Variants in COMP observed in about 807,000 individuals in gnomAD.
The protein encoded by COMP is cartilage oligomeric matrix protein (pseudoachondroplasia, epiphyseal dysplasia 1, multiple).
A neutral mutation model predicts 95.8 loss-of-function variants in COMP; 79 were observed. That is an observed-to-expected ratio of 0.82 (90% confidence interval 0.69 to 0.99). The LOEUF (loss-of-function observed/expected upper bound fraction) is 0.99, where lower values mean the gene tolerates loss of function less well. Among genes scored for constraint, COMP ranks in the 50% least tolerant of loss-of-function variants. COMP has a pLI of 0.00. For missense variants in COMP, 906 were observed against 1,076.1 expected, an observed-to-expected ratio of 0.84 and a Z score of 2.21; for synonymous variants, 438 against 433.9, an observed-to-expected ratio of 1.01 and a Z score of -0.12.
In COMP at chr19:18,790,053, G is replaced by A. The variant is rs139319996; in HGVS notation, c.279C>T (p.Pro93=). The change falls in exon 4 of 19, where the codon CCC becomes CCT. Residue 93 remains proline, a synonymous_variant. Transcript: ENST00000222271. ...AGGCCACGCCGGGGAAGCAGAAGCC[G>A]GGCGCGCAGTGGAGCAGGGGCCGCA... ...PSVRPLLHCA[P]GFCFPGVACI... The A allele has an allele frequency of 3.2e-6, 5 of 1,559,752 alleles. No individual in the cohort carries two copies. Among genetic ancestry groups the A allele is most frequent in the Admixed American group, 3.8e-5 (2 of 52,502 alleles).
Position 18,789,098 on chromosome 19 carries a change from G to A in COMP, c.528+62C>T, listed in dbSNP as rs892112857. On this transcript the variant is annotated intron_variant, in intron 5 of 18. Coordinates refer to ENST00000222271, the MANE Select transcript of COMP (RefSeq NM_000095.3). The surrounding 1 kb of genome is among the most constrained non-coding windows in gnomAD (Gnocchi z 6.1). ...AAGGAGGCTGGAAGAGGAGTTTACT[G>A]GTAAACAAAATGGACGCCCCCTTCC... 1 of 1,565,518 alleles carries A rather than the reference G, an allele frequency of 6.4e-7. No homozygotes were observed. Among genetic ancestry groups the A allele is most frequent in the Non-Finnish European group, 8.6e-7 (1 of 1,158,936 alleles).
Position 18,788,109 on chromosome 19 carries a change from G to T in COMP, c.975+103C>A. 1 of 935,732 alleles carries T rather than the reference G, an allele frequency of 1.1e-6. No homozygotes were observed. The allele number at this position is 935,732 out of a possible 1,614,324, so 58.0% of individuals were successfully genotyped here. A position where few individuals can be genotyped will look rare whatever the true frequency, so the allele number is the denominator to read the frequency against. On this transcript the variant is annotated intron_variant, in intron 9 of 18. Transcript: ENST00000222271. The surrounding 1 kb of genome is among the most constrained non-coding windows in gnomAD (Gnocchi z 4.7). ...AGTAGAGGAGGGGTTTCACCATGAT[G>T]GCCAGGATGGTCTCCATCTCTTGAC...
At chr19:18,783,943 A>G (rs1376824581) in intron 17 of COMP, among the ~76,000 whole-genome samples, 1 of 152,012 alleles carries the variant, frequency 6.6e-6, no homozygotes, top group African/African-American at 2.4e-5. Flanking sequence ...ACAGGGTCTT[A>G]CTATGTTACC....
At position 18,785,913 on chromosome 19, in the gene COMP, C is replaced by G. The variant is rs2055162922; in HGVS notation, c.1489+52G>C. 2.5e-6 allele frequency: 4 copies of G among 1,600,282 alleles called. No homozygotes were observed. In the South Asian group the frequency reaches 3.3e-5, roughly 13 times the overall value. ...GGGCCCGCCCACCGTAGACCCCGCG[C>G]CAGGAGCCCCCACTGGCCCCGCCCC... is the stretch of plus-strand genomic sequence containing the variant. On this transcript the variant is annotated intron_variant, in intron 13 of 18. Coordinates refer to ENST00000222271, the MANE Select transcript of COMP (RefSeq NM_000095.3).
chr19:18,786,524 G>T lies in COMP; in HGVS notation c.1254+8C>A. On this transcript the variant is annotated splice_region_variant and intron_variant, in intron 11 of 18. Coordinates refer to ENST00000222271, the MANE Select transcript of COMP (RefSeq NM_000095.3). ...GGCTTACCCAGCTGGAGTCTGGCCT[G>T]CCCTCACCTGATCCGGGTTGCTCTT... is the stretch of plus-strand genomic sequence containing the variant. The T allele has an allele frequency of 1.2e-6, 2 of 1,610,758 alleles. No individual in the cohort carries two copies. Among genetic ancestry groups the T allele is most frequent in the Non-Finnish European group, 8.5e-7 (1 of 1,176,966 alleles).
rs1367326456 is a variant in COMP, at chr19:18,788,403, C to A, written c.867+7G>T. The stretch of plus-strand genomic sequence containing the variant: ...GCCCAAGCCCGCCCCGCTCCGCCCC[C>A]ACCCACCTTACGGCACTGGCGCTCC... On this transcript the variant is annotated splice_region_variant and intron_variant, in intron 8 of 18. Transcript: ENST00000222271. The surrounding 1 kb of genome is among the most constrained non-coding windows in gnomAD (Gnocchi z 4.7). 3.7e-6 allele frequency: 6 copies of A among 1,607,610 alleles called. No homozygotes were observed. In the African/African-American group the frequency reaches 4.0e-5, roughly 11 times the overall value.
Position 18,788,236 on chromosome 19 carries a change from G to T in COMP, c.951C>A (p.Asp317Glu), listed in dbSNP as rs200547692. 1.8e-4 allele frequency: 292 copies of T among 1,613,050 alleles called. No individual in the cohort carries two copies. Among genetic ancestry groups the T allele is most frequent in the Non-Finnish European group, 2.2e-4 (256 of 1,179,978 alleles). Residue 317 changes from aspartate (D) to glutamate (E), a missense_variant, in exon 9 of 19, where the codon GAC (aspartate) becomes GAA (glutamate). Transcript: ENST00000222271. This position sits in a 1 kb window ranked among gnomAD's most constrained non-coding sequence, Gnocchi z 4.7. ...CCTTTTCATTGGGGACCCCGTCCCC[G>T]TCGGCATCCGGATCGCAGGCGTCTC... is the stretch of plus-strand genomic sequence containing the variant. ...GIGDACDPDA[D>E]GDGVPNEKDN...
At chr19:18,787,450 C>A in intron 10 of COMP, 41 bp downstream of exon 10, 1 of 1,604,496 alleles carries the variant, frequency 6.2e-7, no homozygotes, top group Non-Finnish European at 8.5e-7. Context: ...CCCTTCGGTG[C>A]CCGCCGCCTC....
chr19:18,784,499 C>T lies in COMP; in HGVS notation c.1915-136G>A. On this transcript the variant is annotated intron_variant, in intron 16 of 18. Coordinates refer to ENST00000222271, the MANE Select transcript of COMP (RefSeq NM_000095.3). This position sits in a 1 kb window ranked among gnomAD's most constrained non-coding sequence, Gnocchi z 4.9. ...TCCGGATGAGAGACCCACAAGGAAGCCTTCTTCAGGGGCCAAATGGCAGCT... is the reference window on the plus strand; with the variant it reads ...TCCGGATGAGAGACCCACAAGGAAGTCTTCTTCAGGGGCCAAATGGCAGCT... 9.7e-7 allele frequency: 1 copy of T among 1,035,362 alleles called. No individual in the cohort carries two copies. The highest frequency in any genetic ancestry group is 1.5e-6 in the Non-Finnish European group (1 of 686,420). The allele number at this position is 1,035,362 out of a possible 1,614,324, so 64.1% of individuals were successfully genotyped here.
At chr19:18,783,251 G>C (rs1180906771) in intron 17 of COMP, 58 bp from the exon 18 acceptor site, 4 of 1,589,396 alleles carry the variant, frequency 2.5e-6, no homozygotes, top group East Asian at 4.5e-5. Context: ...CCCTCTCAGA[G>C]CTTCAGTGGC....
Position 18,788,137 on chromosome 19 carries a change from C to T in COMP, c.975+75G>A. Reference sequence around the variant, plus strand: ...CAGGATGGTCTCCATCTCTTGACCTCGTGATCCGCCCGCCTCGGCCTCCCA... The same window carrying T: ...CAGGATGGTCTCCATCTCTTGACCTTGTGATCCGCCCGCCTCGGCCTCCCA... On this transcript the variant is annotated intron_variant, in intron 9 of 18. Transcript: ENST00000222271. The surrounding 1 kb of genome is among the most constrained non-coding windows in gnomAD (Gnocchi z 4.7). 5.6e-6 allele frequency: 7 copies of T among 1,245,708 alleles called. No homozygotes were observed. The highest frequency in any genetic ancestry group is 1.9e-4 in the Middle Eastern group (1 of 5,352). 77.2% of individuals were successfully genotyped at this position (1,245,708 alleles called of 1,614,324 possible).
Position 18,788,458 on chromosome 19 carries a change from G to A in COMP, c.819C>T (p.Asp273=). The change falls in exon 8 of 19, where the codon GAC becomes GAT. Residue 273 remains aspartate (D), a synonymous_variant. Transcript: ENST00000222271. The surrounding 1 kb of genome is among the most constrained non-coding windows in gnomAD (Gnocchi z 4.7). ...AGCGCAGCTTCTCGTCCGGGAAGCC[G>A]TCTAGGTCAGTGTCGCGACCACAGA... ...GILCGRDTDL[D]GFPDEKLRCP... 2.1e-6 allele frequency: 3 copies of A among 1,436,298 alleles called. 1 individual carries two copies. The highest frequency in any genetic ancestry group is 9.4e-7 in the Non-Finnish European group (1 of 1,069,492). The allele number at this position is 1,436,298 out of a possible 1,614,324, so 89.0% of individuals were successfully genotyped here.
chr19:18,782,926 G>T lies in COMP; in HGVS notation c.2263C>A (p.Arg755=). 6.2e-7 allele frequency: 1 copy of T among 1,612,048 alleles called. No homozygotes were observed. Among genetic ancestry groups the T allele is most frequent in the Middle Eastern group, 1.8e-4 (1 of 5,514 alleles). The change falls in exon 19 of 19, where the codon CGG becomes AGG. Residue 755 remains arginine, a synonymous_variant. Coordinates refer to ENST00000222271, the MANE Select transcript of COMP (RefSeq NM_000095.3). ...IPEDYETHQL[R]QA Reference sequence around the variant, plus strand: ...CCTCACCCTGGTCCCTAGGCTTGCCGCAGCTGATGGGTCTCATAGTCCTCT... The same window carrying T: ...CCTCACCCTGGTCCCTAGGCTTGCCTCAGCTGATGGGTCTCATAGTCCTCT...
intron 10 of COMP, chr19:18,786,863 C>T: frequency 4.2e-6 from 2 of 479,532 alleles, no homozygotes. Context: ...ACTTCCACCT[C>T]CCGGGTTCAA....
Position 18,785,042 on chromosome 19 carries a change from T to A in COMP, c.1768A>T (p.Thr590Ser). 6.2e-7 allele frequency: 1 copy of A among 1,614,130 alleles called. No homozygotes were observed. The change falls in exon 16 of 19, where the codon ACG (threonine) becomes TCG (serine). Residue 590 changes from threonine (T) to serine (S), a missense_variant. By Grantham distance (58) the Thr-to-Ser change is moderately conservative (BLOSUM62 1). Transcript: ENST00000222271. ...VDFEGTFHVN[T>S]VTDDDYAGFI... The stretch of plus-strand genomic sequence containing the variant: ...CCCGCATAGTCGTCATCCGTGACCG[T>A]GTTCACATGGAACGTGCCCTCGAAG...
At position 18,784,641 on chromosome 19, in the gene COMP, A is replaced by G. The variant is rs1368764721; in HGVS notation, c.1914+255T>C. Among the ~76,000 whole-genome samples, 1 of 152,060 alleles carries G rather than the reference A, an allele frequency of 6.6e-6. No homozygotes were observed. Among genetic ancestry groups the G allele is most frequent in the Non-Finnish European group, 1.5e-5 (1 of 67,996 alleles). On this transcript the variant is annotated intron_variant, in intron 16 of 18. Coordinates refer to ENST00000222271, the MANE Select transcript of COMP (RefSeq NM_000095.3). The surrounding 1 kb of genome is among the most constrained non-coding windows in gnomAD (Gnocchi z 4.9). ...GGCTCTGCAGAAGGACTTGGAAACT[A>G]AGGAAAAGTTTAGGGCTGTGTGAGA... is the stretch of plus-strand genomic sequence containing the variant.
chr19:18,791,022 G>T, intron 1 of COMP, 87 bp from the exon 2 acceptor site: 1 of 1,528,196 alleles, frequency 6.5e-7, no homozygotes, highest in Non-Finnish European at 8.8e-7. Context: ...CCGGACCTCC[G>T]AGGCCCCACT....
At position 18,784,866 on chromosome 19, in the gene COMP, G is replaced by A. The variant is rs1485917374; in HGVS notation, c.1914+30C>T. On this transcript the variant is annotated intron_variant, in intron 16 of 18. Coordinates refer to ENST00000222271, the MANE Select transcript of COMP (RefSeq NM_000095.3). This position sits in a 1 kb window ranked among gnomAD's most constrained non-coding sequence, Gnocchi z 4.9. ...AGGGTCATGGGAGGGCATGAGGACC[G>A]CAGAGGTCAGGCACGGACGGCCCTG... 10 of 1,610,882 alleles carry A rather than the reference G, an allele frequency of 6.2e-6. No individual in the cohort carries two copies. Among genetic ancestry groups the A allele is most frequent in the African/African-American group, 1.3e-5 (1 of 74,942 alleles).
chr19:18,789,596 GT>G lies in COMP; in HGVS notation c.391-300del, dbSNP rs2055195848. Among the ~76,000 whole-genome samples the G allele has an allele frequency of 6.6e-6, 1 of 151,478 alleles. No homozygotes were observed. Among genetic ancestry groups the G allele is most frequent in the Admixed American group, 6.6e-5 (1 of 15,214 alleles). ...CGTGCGTGCCCGGCGGTGGCGGGGG[GT>G]CTGGGCGTGCGTTCCCTGGCTGTGG... On this transcript the variant is annotated intron_variant, in intron 4 of 18. Transcript: ENST00000222271. The surrounding 1 kb of genome is among the most constrained non-coding windows in gnomAD (Gnocchi z 6.1).
Sources: gnomAD v4.1 joint callset for allele counts (sites outside exome capture counted in the v4.1 genomes callset) on GRCh38, gnomAD v4.1.1 for gene constraint, Gnocchi (gnomAD v3.1) non-coding constraint, MANE v1.5 for transcripts, NCBI Gene and HGNC (gene_info 2026-07-23, HGNC 2026-07-21) for gene names.